ARHGEF28: variants seen among roughly 807,000 people sequenced by gnomAD.
ARHGEF28 encodes the protein Rho guanine nucleotide exchange factor 28.
A neutral mutation model predicts 206.6 loss-of-function variants in ARHGEF28; 152 were observed. The observed-to-expected ratio is 0.74, with a 90% confidence interval of 0.64 to 0.84. ARHGEF28 has a LOEUF of 0.84. ARHGEF28 is among the 40% of genes least tolerant of loss of function. The pLI is 0.00. For synonymous variants in ARHGEF28, 763 were observed against 776.4 expected (o/e 0.98, Z 0.29); for missense variants, 2,028 against 2,073.2 (o/e 0.98, Z 0.42).
At chr5:73,735,132 T>C (rs1750835961) in intron 2 of ARHGEF28, among the ~76,000 whole-genome samples, 4 of 152,020 alleles carry the variant, frequency 2.6e-5, no homozygotes, top group South Asian at 2.1e-4. Context: ...CAATACTGAA[T>C]AACAAGAGTG....
chr5:73,747,368 G>A (rs936705800), intron 2 of ARHGEF28, among the ~76,000 whole-genome samples: 2 of 152,156 alleles, frequency 1.3e-5, no homozygotes, highest in South Asian at 2.1e-4. Flanking sequence ...TGGTTAGAAA[G>A]ATCCCACTCT....
At chr5:73,732,479 C>T (rs766117265) in intron 2 of ARHGEF28, among the ~76,000 whole-genome samples, 2 of 152,134 alleles carry the variant, frequency 1.3e-5, no homozygotes, top group East Asian at 3.8e-4. Flanking sequence ...CATTTGCCTA[C>T]TGAAAGACAT....
chr5:73,777,150 C>T (rs181551102), intron 6 of ARHGEF28, among the ~76,000 whole-genome samples: 1 of 152,132 alleles, frequency 6.6e-6, no homozygotes, highest in African/African-American at 2.4e-5. Flanking sequence ...AGTTCTTTTC[C>T]AAAGAGGTTT....
chr5:73,852,397 C>A (rs1276569186), intron 13 of ARHGEF28, among the ~76,000 whole-genome samples: 1 of 152,134 alleles, frequency 6.6e-6, no homozygotes, highest in African/African-American at 2.4e-5. Context: ...CTTGCTGATG[C>A]TAACTTAGTT....
chr5:73,885,167 C>A (rs1486341163), intron 24 of ARHGEF28, among the ~76,000 whole-genome samples: 1 of 152,074 alleles, frequency 6.6e-6, no homozygotes, highest in East Asian at 1.9e-4. Flanking sequence ...ATTCACATAA[C>A]CCTGTGGCTC....
At chr5:73,814,858 G>C (rs1272226399) in intron 9 of ARHGEF28, among the ~76,000 whole-genome samples, 20 of 152,172 alleles carry the variant, frequency 1.3e-4, no homozygotes, top group Non-Finnish European at 7.4e-5. Flanking sequence ...GCCAACCCCA[G>C]GAATAAGATG....
chr5:73,883,451 A>C (rs2112667467), intron 23 of ARHGEF28, among the ~76,000 whole-genome samples: 1 of 152,326 alleles, frequency 6.6e-6, no homozygotes, highest in African/African-American at 2.4e-5. Context: ...TTCAAAGTTG[A>C]CTTTGATTTA....
chr5:73,818,536 GGAAACA>G (rs1489455916), intron 9 of ARHGEF28, among the ~76,000 whole-genome samples: 1 of 152,202 alleles, frequency 6.6e-6, no homozygotes, highest in African/African-American at 2.4e-5. Context: ...ATTAAGGAAG[GGAAACA>G]TTTTTCTAAA....
intron 2 of ARHGEF28, among the ~76,000 whole-genome samples, chr5:73,717,509 G>A (rs577549004): frequency 5.0e-4 from 76 of 152,238 alleles, no homozygotes; most frequent in Non-Finnish European, 4.3e-4. Context: ...TGCGAAAACT[G>A]TAATGATTAC....
In ARHGEF28 at chr5:73,683,384, A is replaced by AT. The variant is rs201790365; in HGVS notation, c.-11-1448dup. Among the ~76,000 whole-genome samples the AT allele has an allele frequency of 8.7e-3, 1,295 of 149,638 alleles. 16 individuals are homozygous for AT. Among genetic ancestry groups the AT allele is most frequent in the African/African-American group, 0.03 (1,223 of 40,662 alleles). ...GTCCCACCCCTGGCAACTACCAATC[A>AT]TTTTTTTTTCTGTTTCTCATGTCAA... On this transcript the variant is annotated intron_variant, in intron 1 of 35. Coordinates refer to ENST00000513042, the MANE Select transcript of ARHGEF28 (RefSeq NM_001177693.2).
chr5:73,920,230 T>C (rs1452008126), intron 35 of ARHGEF28, among the ~76,000 whole-genome samples: 1 of 152,212 alleles, frequency 6.6e-6, no homozygotes, highest in Non-Finnish European at 1.5e-5. Context: ...TTTTGTAATA[T>C]GGTGCATGTT....
At chr5:73,721,597 G>C (rs1181115909) in intron 2 of ARHGEF28, among the ~76,000 whole-genome samples, 3 of 151,800 alleles carry the variant, frequency 2.0e-5, no homozygotes, top group Non-Finnish European at 4.4e-5. Flanking sequence ...TTCAGAATCA[G>C]GGTCTCACTC....
In ARHGEF28 at chr5:73,840,716, T is replaced by G; in HGVS notation, c.1383T>G (p.Gly461=). ...SCASNLNLSF[G]WHGFEKEQSH... is the part of the protein sequence containing the mutation. ...CTTCCAACTTGAATCTTTCTTTTGGTTGGCATGGATTTGAAAAGGAACAAA... is the reference window on the plus strand; with the variant it reads ...CTTCCAACTTGAATCTTTCTTTTGGGTGGCATGGATTTGAAAAGGAACAAA... Residue 461 remains glycine (G), a synonymous_variant, in exon 11 of 36, where the codon GGT becomes GGG. Coordinates refer to ENST00000513042, the MANE Select transcript of ARHGEF28 (RefSeq NM_001177693.2). 6.2e-7 allele frequency: 1 copy of G among 1,611,702 alleles called. No homozygotes were observed. Among genetic ancestry groups the G allele is most frequent in the Non-Finnish European group, 8.5e-7 (1 of 1,178,710 alleles).
chr5:73,752,628 G>A (rs1752077587), intron 3 of ARHGEF28, among the ~76,000 whole-genome samples: 1 of 152,158 alleles, frequency 6.6e-6, no homozygotes, highest in African/African-American at 2.4e-5. Context: ...AAGGAATGCT[G>A]AATAGCAGTG....
intron 2 of ARHGEF28, among the ~76,000 whole-genome samples, chr5:73,700,304 G>A (rs1019550392): frequency 1.3e-5 from 2 of 152,160 alleles, no homozygotes; most frequent in Non-Finnish European, 2.9e-5. Flanking sequence ...CTTCTAGAAT[G>A]ATACCCAAAC....
intron 2 of ARHGEF28, among the ~76,000 whole-genome samples, chr5:73,704,938 C>T (rs1464304542): frequency 6.6e-6 from 1 of 152,114 alleles, no homozygotes; most frequent in African/African-American, 2.4e-5. Context: ...GTTGTGATGT[C>T]TGCACTACTA....
chr5:73,671,957 A>G (rs1746375060), intron 1 of ARHGEF28, among the ~76,000 whole-genome samples: 1 of 151,178 alleles, frequency 6.6e-6, no homozygotes, highest in Non-Finnish European at 1.5e-5. Context: ...GGGTTTCACT[A>G]TGTTGGTCAG....
chr5:73,695,335 T>C (rs1748129675), intron 2 of ARHGEF28, among the ~76,000 whole-genome samples: 1 of 151,978 alleles, frequency 6.6e-6, no homozygotes, highest in African/African-American at 2.4e-5. Context: ...TGTGTGGGTG[T>C]TCCCCAGGGC....
intron 17 of ARHGEF28, among the ~76,000 whole-genome samples, chr5:73,865,525 C>T (rs1009782216): frequency 1.1e-4 from 16 of 152,148 alleles, no homozygotes; most frequent in Non-Finnish European, 2.9e-5. Context: ...AATAGGAACA[C>T]ATATTGCGTC....
Sources: allele counts gnomAD v4.1 joint callset (sites outside exome capture counted in the v4.1 genomes callset), GRCh38; gene constraint gnomAD v4.1.1; transcripts MANE v1.5; gene names NCBI Gene and HGNC (gene_info 2026-07-23, HGNC 2026-07-21).